POMT1: variants seen among roughly 807,000 people sequenced by gnomAD.
POMT1 encodes protein O-mannosyltransferase 1, also known as protein O-mannosyl-transferase 1.
In POMT1, 85 loss-of-function variants were observed where a neutral mutation model predicts 101.6. The observed-to-expected ratio is 0.84, with a 90% CI of 0.70 to 1.00. The LOEUF (loss-of-function observed/expected upper bound fraction) is 1.00. Ranked by LOEUF, POMT1 falls within the 50% of genes least tolerant of loss-of-function variation. POMT1 has a pLI of 0.00. For synonymous variants in POMT1, 371 were observed against 383.0 expected (o/e 0.97, Z 0.37); for missense variants, 857 against 930.4 (o/e 0.92, Z 1.03).
In POMT1 at chr9:131,519,463, A is replaced by G; in HGVS notation, c.1561A>G (p.Met521Val). Residue 521 changes from methionine (M) to valine (V), a missense_variant, in exon 16 of 20, where the codon ATG becomes GTG. Physicochemically the swap from Met to Val is conservative, Grantham distance 21. Transcript: ENST00000402686. The surrounding 1 kb of genome is among the most constrained non-coding windows in gnomAD (Gnocchi z 4.3). The stretch of plus-strand genomic sequence containing the variant: ...GGACGTCAGCAGGAACCTCAGCTTC[A>G]TGGCGAGATTCTCGGAGCTGCAGGT... ...QVDVSRNLSF[M>V]ARFSELQWRM... is the part of the protein sequence containing the mutation. The G allele has an allele frequency of 6.4e-7, 1 of 1,550,996 alleles. No individual in the cohort carries two copies. The highest frequency in any genetic ancestry group is 1.2e-5 in the South Asian group (1 of 84,058).
At chr9:131,507,023 C>T (rs369246687) in intron 4 of POMT1, among the ~76,000 whole-genome samples, 56 of 150,424 alleles carry the variant, frequency 3.7e-4, no homozygotes, top group African/African-American at 1.2e-3. Flanking sequence ...GATGAGATGG[C>T]GCCACTGCAC....
At chr9:131,521,962 A>C in intron 18 of POMT1, 85 bp from the exon 19 acceptor site, 1 of 1,598,466 alleles carries the variant, frequency 6.3e-7, no homozygotes, top group Non-Finnish European at 8.5e-7. Context: ...CATAGTAAGA[A>C]CCCTCTCTCT....
chr9:131,504,163 A>G (rs1945203662), intron 1 of POMT1, 26 bp from the exon 2 acceptor site: 18 of 1,613,386 alleles, frequency 1.1e-5, no homozygotes, highest in Non-Finnish European at 1.4e-5. Flanking sequence ...GCCCTCATGG[A>G]CCACGGCTCC....
intron 13 of POMT1, 142 bp from the exon 14 acceptor site, chr9:131,518,302 GC>G (rs1330013570): frequency 1.2e-6 from 1 of 823,604 alleles, no homozygotes; most frequent in Non-Finnish European, 2.2e-6. Flanking sequence ...GCCAGTACCA[GC>G]CCCTTATAGC....
chr9:131,515,615 A>T, intron 13 of POMT1, 93 bp downstream of exon 13: 1 of 1,169,932 alleles, frequency 8.5e-7, no homozygotes. Flanking sequence ...TCCCTAACAC[A>T]GAGCACTTCC....
chr9:131,520,477 A>G (rs77562586), intron 17 of POMT1, among the ~76,000 whole-genome samples: 3 of 152,082 alleles, frequency 2.0e-5, no homozygotes, highest in Admixed American at 6.6e-5. Context: ...TTCCCATTCA[A>G]TTTTCCGTGT....
At chr9:131,513,596 C>T (rs1231790566) in intron 12 of POMT1, among the ~76,000 whole-genome samples, 4 of 152,282 alleles carry the variant, frequency 2.6e-5, no homozygotes, top group Non-Finnish European at 2.9e-5. Context: ...CTCAGGGCCC[C>T]GTGGATGAGT....
intron 11 of POMT1, among the ~76,000 whole-genome samples, chr9:131,512,907 C>T (rs962010226): frequency 3.3e-5 from 5 of 151,582 alleles, no homozygotes; most frequent in East Asian, 2.0e-4. Context: ...CCACCACGCC[C>T]GGCCCCCTCA....
chr9:131,507,028 C>T (rs1945994445), intron 4 of POMT1, among the ~76,000 whole-genome samples: 1 of 150,982 alleles, frequency 6.6e-6, no homozygotes, highest in Admixed American at 6.6e-5. Context: ...GATGGCGCCA[C>T]TGCACTCCGG....
At chr9:131,511,872 T>C in intron 10 of POMT1, 169 bp from the exon 11 acceptor site, 1 of 705,556 alleles carries the variant, frequency 1.4e-6, no homozygotes. Context: ...TTCTTTCCCT[T>C]TCTTTTCTTT....
rs1945879752 is a variant in POMT1, at chr9:131,506,678, T to G, written c.280+225T>G. On this transcript the variant is annotated intron_variant, in intron 4 of 19. Transcript: ENST00000402686. ...TCTTACTGTTCAGTTGCAGTCATTA[T>G]TTCAGCCCTTGTCGTTGGTACACGT... The G allele has an allele frequency of 1.7e-5, 10 of 577,438 alleles. No homozygotes were observed. The South Asian group carries it at 1.8e-4, about 10-fold the overall frequency. The allele number at this position is 577,438 out of a possible 1,614,324, so 35.8% of individuals were successfully genotyped here.
chr9:131,523,561 G>A lies in POMT1; in HGVS notation c.*455G>A. On this transcript the variant is annotated 3_prime_UTR_variant, in exon 20 of 20. Coordinates refer to ENST00000402686, the MANE Select transcript of POMT1 (RefSeq NM_001077365.2). Reference sequence around the variant, plus strand: ...CTCAGCGAGCCCGGCAGGCGTCCTGGGACAGCTCAGTGTTGGAGGGCCACC... The same window carrying A: ...CTCAGCGAGCCCGGCAGGCGTCCTGAGACAGCTCAGTGTTGGAGGGCCACC... 3.8e-6 allele frequency: 1 copy of A among 262,098 alleles called. No homozygotes were observed. Among genetic ancestry groups the A allele is most frequent in the Non-Finnish European group, 7.5e-6 (1 of 133,330 alleles). The allele number at this position is 262,098 out of a possible 1,614,324, so 16.2% of individuals were successfully genotyped here. A position where few individuals can be genotyped will look rare whatever the true frequency, so the allele number is the denominator to read the frequency against.
At chr9:131,514,201 C>T (rs1264097286) in intron 12 of POMT1, among the ~76,000 whole-genome samples, 3 of 152,198 alleles carry the variant, frequency 2.0e-5, no homozygotes, top group East Asian at 1.9e-4. Context: ...CTCTACCTCG[C>T]AGCAGCCTGT....
intron 2 of POMT1, 96 bp downstream of exon 2, chr9:131,504,436 C>T: frequency 6.3e-7 from 1 of 1,586,908 alleles, no homozygotes; most frequent in Non-Finnish European, 8.6e-7. Flanking sequence ...GAGTGAAATC[C>T]TGGCTTCTTG....
rs765065054 is a variant in POMT1 at position 131,522,140 on chromosome 9, TC to T, written c.1921del (p.Leu641SerfsTer81). 1.2e-6 allele frequency: 2 copies of T among 1,614,134 alleles called. No individual in the cohort carries two copies. Among genetic ancestry groups the T allele is most frequent in the Non-Finnish European group, 1.7e-6 (2 of 1,180,042 alleles). On this transcript the variant is annotated frameshift_variant, in exon 19 of 20. Coordinates refer to ENST00000402686, the MANE Select transcript of POMT1 (RefSeq NM_001077365.2). LOFTEE classifies it high-confidence loss of function. This position sits in a 1 kb window ranked among gnomAD's most constrained non-coding sequence, Gnocchi z 5.5. ...LPFFLMEKTL[F>X]LYHYLPALTF... is the part of the protein sequence containing the mutation. Reference sequence around the variant, plus strand: ...TTCTTCCTGATGGAGAAGACACTCTTCCTCTACCACTACCTGCCCGCACTCA... The same window carrying T: ...TTCTTCCTGATGGAGAAGACACTCTTCTCTACCACTACCTGCCCGCACTCA...
At position 131,513,481 on chromosome 9, in the gene POMT1, C is replaced by G. The variant is rs915542989; in HGVS notation, c.1175+150C>G. ...CAGCTCTTAGACCTACATTTGATGCCGGGAGGGGACCCAGGCCTGGCCGCG... is the reference window on the plus strand; with the variant it reads ...CAGCTCTTAGACCTACATTTGATGCGGGGAGGGGACCCAGGCCTGGCCGCG... On this transcript the variant is annotated intron_variant, in intron 12 of 19. Coordinates refer to ENST00000402686, the MANE Select transcript of POMT1 (RefSeq NM_001077365.2). The G allele has an allele frequency of 3.7e-6, 3 of 810,504 alleles. No individual in the cohort carries two copies. In the African/African-American group the frequency reaches 5.1e-5, roughly 14 times the overall value. 50.2% of individuals were successfully genotyped at this position (810,504 alleles called of 1,614,324 possible).
At position 131,523,279 on chromosome 9, in the gene POMT1, C is replaced by T. The variant is rs113952381; in HGVS notation, c.*173C>T. 32 of 743,170 alleles carry T rather than the reference C, an allele frequency of 4.3e-5. No individual in the cohort carries two copies. The highest frequency in any genetic ancestry group is 6.9e-5 in the Non-Finnish European group (31 of 452,158). 46.0% of individuals were successfully genotyped at this position (743,170 alleles called of 1,614,324 possible). A position where few individuals can be genotyped will look rare whatever the true frequency, so the allele number is the denominator to read the frequency against. On this transcript the variant is annotated 3_prime_UTR_variant, in exon 20 of 20. Coordinates refer to ENST00000402686, the MANE Select transcript of POMT1 (RefSeq NM_001077365.2). ...CATTGAAAAGCTCTCTGATGAGCAC[C>T]TCCTTTTGTGCAAAGTTAATTTTTT...
rs1425202136 is a variant in POMT1 at position 131,511,269 on chromosome 9, C to T, written c.856-68C>T. 2.7e-5 allele frequency: 41 copies of T among 1,511,474 alleles called. 1 individual carries two copies. Among genetic ancestry groups the T allele is most frequent in the African/African-American group, 1.4e-4 (10 of 72,256 alleles). 93.6% of individuals were successfully genotyped at this position (1,511,474 alleles called of 1,614,324 possible). On this transcript the variant is annotated intron_variant, in intron 9 of 19. Coordinates refer to ENST00000402686, the MANE Select transcript of POMT1 (RefSeq NM_001077365.2). The stretch of plus-strand genomic sequence containing the variant: ...TCACCCCAGAGGGAGGAGTGGCCAT[C>T]GGGAAGGCTGGCTTAGGGTCATTTT...
Position 131,522,295 on chromosome 9 carries a change from C to T in POMT1, c.2003+71C>T, listed in dbSNP as rs1588504714. 4 of 1,600,228 alleles carry T rather than the reference C, an allele frequency of 2.5e-6. No homozygotes were observed. The highest frequency in any genetic ancestry group is 3.4e-6 in the Non-Finnish European group (4 of 1,177,680). On this transcript the variant is annotated intron_variant, in intron 19 of 19. Transcript: ENST00000402686. This position sits in a 1 kb window ranked among gnomAD's most constrained non-coding sequence, Gnocchi z 5.5. ...TGCTGGGAAGCCCATGCGCAGCAAA[C>T]ACATGGGGTGCAGCGAACCTCACCC...
Sources: gnomAD v4.1 joint callset for allele counts (sites outside exome capture counted in the v4.1 genomes callset) on GRCh38, gnomAD v4.1.1 for gene constraint, Gnocchi (gnomAD v3.1) non-coding constraint, MANE v1.5 for transcripts, NCBI Gene and HGNC (gene_info 2026-07-23, HGNC 2026-07-21) for gene names.